MIB1: variants seen among roughly 807,000 people sequenced by gnomAD.
MIB1 encodes the protein E3 ubiquitin-protein ligase MIB1.
MIB1 carries 278 observed loss-of-function variants against 124.5 expected under a neutral mutation model. That is an observed-to-expected ratio of 2.23 (90% CI 2.02 to 2.47). The LOEUF is 2.47. Among genes scored for constraint, MIB1 ranks in the 30% most tolerant of loss-of-function variants. MIB1 has a pLI of 0.00. For missense variants in MIB1, 957 were observed against 1,254.4 expected (o/e 0.76, Z 3.58); for synonymous variants, 446 against 429.4 (o/e 1.04, Z -0.48).
chr18:21,723,646 G>A (rs2146359623), intron 1 of MIB1, among the ~76,000 whole-genome samples: 1 of 152,142 alleles, frequency 6.6e-6, no homozygotes, highest in South Asian at 2.1e-4. Flanking sequence ...CTCCTGAGTA[G>A]CTGGGATTAT....
At chr18:21,818,763 C>T (rs1212623842) in intron 11 of MIB1, among the ~76,000 whole-genome samples, 2 of 152,022 alleles carry the variant, frequency 1.3e-5, no homozygotes, top group Non-Finnish European at 2.9e-5. Flanking sequence ...GGTGAAACCC[C>T]GTCTCTACTA....
chr18:21,792,545 T>C (rs954597538), intron 7 of MIB1, among the ~76,000 whole-genome samples: 1 of 152,180 alleles, frequency 6.6e-6, no homozygotes, highest in African/African-American at 2.4e-5. Context: ...TTAGCACATA[T>C]AATATGCCTA....
At chr18:21,739,887 C>T (rs2040823251), upstream of MIB1, among the ~76,000 whole-genome samples, 1 of 151,668 alleles carries the variant, frequency 6.6e-6, no homozygotes, top group Admixed American at 6.6e-5. Context: ...TGCACTCCGG[C>T]CTGGCTGACA....
chr18:21,758,875 T>G (rs1031713020), intron 1 of MIB1, among the ~76,000 whole-genome samples: 2 of 152,180 alleles, frequency 1.3e-5, no homozygotes, highest in Non-Finnish European at 2.9e-5. Flanking sequence ...TCTTTGAATT[T>G]GGGCAAAGTT....
At chr18:21,707,988 G>A (rs1178734826) in intron 1 of MIB1, among the ~76,000 whole-genome samples, 1 of 152,120 alleles carries the variant, frequency 6.6e-6, no homozygotes, top group Non-Finnish European at 1.5e-5. Context: ...AGGAAGCTCT[G>A]ATGTCTCTTC....
chr18:21,786,585 G>A (rs2041438517), intron 6 of MIB1, among the ~76,000 whole-genome samples: 1 of 151,604 alleles, frequency 6.6e-6, no homozygotes, highest in South Asian at 2.1e-4. Flanking sequence ...ACTCAGTTTT[G>A]CTTTTTTGAA....
chr18:21,736,928 G>C (rs1330340976), upstream of MIB1, among the ~76,000 whole-genome samples: 1 of 152,216 alleles, frequency 6.6e-6, no homozygotes, highest in East Asian at 1.9e-4. Context: ...ATGGAACCAA[G>C]TTGGAAAACA....
Position 21,791,427 on chromosome 18 carries a change from A to G in MIB1, c.962A>G (p.Asp321Gly). 1.2e-6 allele frequency: 2 copies of G among 1,613,964 alleles called. No homozygotes were observed. Among genetic ancestry groups the G allele is most frequent in the Non-Finnish European group, 8.5e-7 (1 of 1,179,922 alleles). The change falls in exon 7 of 21, where the codon GAT (aspartate) becomes GGT (glycine). Residue 321 changes from aspartate to glycine, a missense_variant. Transcript: ENST00000261537. ...LTKANIVRSG[D>G]AAQGAEGGTS... ...AAAGCGAACATTGTCCGAAGTGGAGATGCTGCTCAGGGTGCAGAAGGAGGC... is the reference window on the plus strand; with the variant it reads ...AAAGCGAACATTGTCCGAAGTGGAGGTGCTGCTCAGGGTGCAGAAGGAGGC...
Position 21,858,656 on chromosome 18 carries a change from AT to A in MIB1, c.2880+13del. 1.4e-6 allele frequency: 2 copies of A among 1,385,022 alleles called. No homozygotes were observed. The highest frequency in any genetic ancestry group is 2.1e-6 in the Non-Finnish European group (2 of 973,646). The allele number at this position is 1,385,022 out of a possible 1,614,324, so 85.8% of individuals were successfully genotyped here. On this transcript the variant is annotated intron_variant, in intron 20 of 20. Transcript: ENST00000261537. Reference sequence around the variant, plus strand: ...AGACATTAAAGAGCAGGTAATAATGATTTCATGTAAACAGTGATGCTGTGAA... The same window carrying A: ...AGACATTAAAGAGCAGGTAATAATGATTCATGTAAACAGTGATGCTGTGAA...
At chr18:21,844,478 C>T (rs1180056160) in intron 15 of MIB1, among the ~76,000 whole-genome samples, 1 of 152,092 alleles carries the variant, frequency 6.6e-6, no homozygotes, top group East Asian at 1.9e-4. Context: ...TGTGGAGTCC[C>T]ACTCTGTCAC....
chr18:21,805,503 A>T (rs2041694119), intron 10 of MIB1, among the ~76,000 whole-genome samples: 1 of 152,110 alleles, frequency 6.6e-6, no homozygotes, highest in South Asian at 2.1e-4. Flanking sequence ...AATTAAAGTT[A>T]ATTTTAGTGT....
intron 1 of MIB1, among the ~76,000 whole-genome samples, chr18:21,715,656 T>C (rs1030668372): frequency 6.6e-6 from 1 of 150,968 alleles, no homozygotes; most frequent in African/African-American, 2.4e-5. Context: ...GAAATAGATA[T>C]CATAAATAAA....
At chr18:21,838,801 T>G (rs992589412) in intron 13 of MIB1, among the ~76,000 whole-genome samples, 5 of 152,232 alleles carry the variant, frequency 3.3e-5, no homozygotes. Context: ...TGGCTGCCAC[T>G]GTTACGGAAG....
At chr18:21,822,861 A>G (rs967878136) in intron 12 of MIB1, among the ~76,000 whole-genome samples, 1 of 152,138 alleles carries the variant, frequency 6.6e-6, no homozygotes, top group African/African-American at 2.4e-5. Context: ...GCGACTTAGG[A>G]GGCTGAGGCA....
chr18:21,857,680 CAG>C (rs1302668080), intron 19 of MIB1, among the ~76,000 whole-genome samples: 1 of 152,136 alleles, frequency 6.6e-6, no homozygotes, highest in African/African-American at 2.4e-5. Context: ...TTATTTGGGA[CAG>C]AGTAACTATA....
chr18:21,750,592 G>T (rs1279310330), intron 1 of MIB1, among the ~76,000 whole-genome samples: 1 of 151,852 alleles, frequency 6.6e-6, no homozygotes, highest in Admixed American at 6.6e-5. Flanking sequence ...CTCCCAAAGT[G>T]CTGGGATTAC....
At chr18:21,755,396 A>G (rs997556181) in intron 1 of MIB1, among the ~76,000 whole-genome samples, 1 of 150,100 alleles carries the variant, frequency 6.7e-6, no homozygotes, top group Non-Finnish European at 1.5e-5. Flanking sequence ...CAATGGCACT[A>G]TCTCGGCTCA....
At chr18:21,719,342 A>G (rs1252895713) in intron 1 of MIB1, among the ~76,000 whole-genome samples, 1 of 152,138 alleles carries the variant, frequency 6.6e-6, no homozygotes, top group Non-Finnish European at 1.5e-5. Context: ...TCTGTGAAGA[A>G]AAAAAGGACC....
intron 1 of MIB1, among the ~76,000 whole-genome samples, chr18:21,718,491 C>T (rs1359689644): frequency 1.3e-5 from 2 of 152,206 alleles, no homozygotes; most frequent in Non-Finnish European, 2.9e-5. Context: ...AAAGAAGCCA[C>T]CTTGGAATGT....
Sources: gnomAD v4.1 joint callset for allele counts (sites outside exome capture counted in the v4.1 genomes callset) on GRCh38, gnomAD v4.1.1 for gene constraint, MANE v1.5 for transcripts, NCBI Gene and HGNC (gene_info 2026-07-23, HGNC 2026-07-21) for gene names.